SMPD3: variants seen among roughly 807,000 people sequenced by gnomAD.
SMPD3 encodes sphingomyelin phosphodiesterase 3.
SMPD3 carries 21 observed loss-of-function variants against 55.7 expected under a neutral mutation model. That is an observed-to-expected ratio of 0.38 (90% CI 0.27 to 0.54). The LOEUF is 0.54. Ranked by LOEUF, SMPD3 falls within the 20% of genes least tolerant of loss-of-function variation. The probability of loss-of-function intolerance (pLI) is 0.80; values close to 1 mark genes in which losing one functional copy is unlikely to be tolerated. For synonymous variants in SMPD3, 457 were observed against 404.3 expected (o/e 1.13, Z -1.56); for missense variants, 842 against 899.6 (o/e 0.94, Z 0.82).
chr16:68,430,943 G>C (rs1330747033), intron 1 of SMPD3, among the ~76,000 whole-genome samples: 1 of 152,138 alleles, frequency 6.6e-6, no homozygotes, highest in Non-Finnish European at 1.5e-5. Flanking sequence ...TGTGCACATT[G>C]TTGCTGGAAG....
chr16:68,412,502 T>C (rs1276679320), intron 1 of SMPD3, among the ~76,000 whole-genome samples: 1 of 151,948 alleles, frequency 6.6e-6, no homozygotes, highest in East Asian at 1.9e-4. Flanking sequence ...AGAGTCAAAA[T>C]GGTGGCCACA....
chr16:68,363,559 C>T lies in SMPD3; in HGVS notation c.1646G>A (p.Gly549Asp). ...CAGGCCGTTCGTGTCCAGCAGAGTACCTGGGGGGGACGAGGGGGTGACAGT... is the reference window on the plus strand; with the variant it reads ...CAGGCCGTTCGTGTCCAGCAGAGTATCTGGGGGGGACGAGGGGGTGACAGT... Reference protein sequence around the residue: ...GPGEEKPWAIGTLLDTNGLYD... With the variant: ...GPGEEKPWAIDTLLDTNGLYD... Residue 549 changes from glycine to aspartate, a missense_variant and splice_region_variant, in exon 7 of 9, where the codon GGT becomes GAT. By Grantham distance (94) the Gly-to-Asp change is moderately conservative. Coordinates refer to ENST00000219334, the MANE Select transcript of SMPD3 (RefSeq NM_018667.4). The T allele has an allele frequency of 1.2e-6, 2 of 1,613,254 alleles. No individual in the cohort carries two copies. Among genetic ancestry groups the T allele is most frequent in the Non-Finnish European group, 1.7e-6 (2 of 1,179,676 alleles).
rs1189097588 is a variant in SMPD3, at chr16:68,371,116, T to C, written c.1066A>G (p.Asn356Asp). ...TCCTGCAGGCACAGGAAGTCCAGGT[T>C]GGCGGGGAAGAAGGCGGAGACCTCA... ...DHEVSAFFPANLDFLCLQEVF... is the reference protein window; with the variant it reads ...DHEVSAFFPADLDFLCLQEVF... Residue 356 changes from asparagine (N) to aspartate (D), a missense_variant, in exon 3 of 9, where the codon AAC (asparagine) becomes GAC (aspartate). Transcript: ENST00000219334. 1 of 1,614,084 alleles carries C rather than the reference T, an allele frequency of 6.2e-7. No homozygotes were observed. The highest frequency in any genetic ancestry group is 2.2e-5 in the East Asian group (1 of 44,874).
At chr16:68,409,835 G>A (rs1369546849) in intron 1 of SMPD3, among the ~76,000 whole-genome samples, 2 of 152,188 alleles carry the variant, frequency 1.3e-5, no homozygotes, top group Non-Finnish European at 2.9e-5. Flanking sequence ...CTCGTGATCT[G>A]CCCGCCTCAG....
intron 2 of SMPD3, among the ~76,000 whole-genome samples, chr16:68,380,970 C>T (rs1200062128): frequency 4.6e-5 from 7 of 152,224 alleles, no homozygotes; most frequent in East Asian, 3.8e-4. Flanking sequence ...ACAGAACAGA[C>T]GGGCTAACAT....
chr16:68,415,852 G>T (rs2090334920), intron 1 of SMPD3, among the ~76,000 whole-genome samples: 1 of 150,040 alleles, frequency 6.7e-6, no homozygotes. Flanking sequence ...TAGACCCTTA[G>T]GTATTTAATG....
chr16:68,411,098 T>C (rs1227527806), intron 1 of SMPD3, among the ~76,000 whole-genome samples: 1 of 152,250 alleles, frequency 6.6e-6, no homozygotes, highest in Non-Finnish European at 1.5e-5. Flanking sequence ...CACTCCTCTA[T>C]GACCAGAATG....
At chr16:68,405,545 CAAAAAAAAAAA>C (rs67518521) in intron 1 of SMPD3, among the ~76,000 whole-genome samples, 3 of 72,990 alleles carry the variant, frequency 4.1e-5, no homozygotes, top group Non-Finnish European at 8.0e-5. Context: ...GACCCTGTCT[CAAAAAAAAAAA>C]AAAAAAAAAA....
intron 1 of SMPD3, among the ~76,000 whole-genome samples, chr16:68,423,727 G>A (rs2090414433): frequency 6.6e-6 from 1 of 152,152 alleles, no homozygotes. Flanking sequence ...GCTTAGCCAA[G>A]GAGCTTAGGA....
In SMPD3 at chr16:68,371,663, G is replaced by T. The variant is rs773171822; in HGVS notation, c.519C>A (p.Ser173=). The change falls in exon 3 of 9, where the codon TCC becomes TCA. Residue 173 remains serine (S), a synonymous_variant. Coordinates refer to ENST00000219334, the MANE Select transcript of SMPD3 (RefSeq NM_018667.4). ...ARPQIKIYID[S]PTNTSISAAS... is the part of the protein sequence containing the mutation. ...CGGCGCTGATGGAGGTATTGGTGGG[G>T]GAGTCGATGTAAATTTTGATCTGGG... 3 of 1,567,282 alleles carry T rather than the reference G, an allele frequency of 1.9e-6. No individual in the cohort carries two copies. The highest frequency in any genetic ancestry group is 3.7e-5 in the Admixed American group (2 of 53,518).
At chr16:68,409,169 T>C (rs1485512357) in intron 1 of SMPD3, among the ~76,000 whole-genome samples, 4 of 152,272 alleles carry the variant, frequency 2.6e-5, no homozygotes, top group Non-Finnish European at 5.9e-5. Context: ...ACTCAGTTAC[T>C]CCGAGCTCAT....
At position 68,426,319 on chromosome 16, in the gene SMPD3, C is replaced by T. The variant is rs535424569; in HGVS notation, c.-269+22034G>A. 1.4e-4 allele frequency among the ~76,000 whole-genome samples: 21 copies of T among 152,300 alleles called. No homozygotes were observed. In the South Asian group the frequency reaches 3.7e-3, roughly 27 times the overall value. On this transcript the variant is annotated intron_variant, in intron 1 of 8. Coordinates refer to ENST00000219334, the MANE Select transcript of SMPD3 (RefSeq NM_018667.4). ...AATAACCTTATTTGATCTTTGACAACCCCATTTATTATGTCATTATGGGGA... is the reference window on the plus strand; with the variant it reads ...AATAACCTTATTTGATCTTTGACAATCCCATTTATTATGTCATTATGGGGA...
intron 1 of SMPD3, among the ~76,000 whole-genome samples, chr16:68,393,274 G>A (rs990146433): frequency 6.6e-6 from 1 of 152,142 alleles, no homozygotes; most frequent in African/African-American, 2.4e-5. Flanking sequence ...GTGTGGTGGT[G>A]TGAGTCTGTA....
At chr16:68,374,898 C>T (rs1024173389) in intron 2 of SMPD3, among the ~76,000 whole-genome samples, 6 of 152,180 alleles carry the variant, frequency 3.9e-5, no homozygotes, top group South Asian at 4.1e-4. Context: ...ACAATGGGGG[C>T]GGGATGGGGG....
At chr16:68,383,431 GA>G (rs1028455831) in intron 2 of SMPD3, among the ~76,000 whole-genome samples, 3 of 152,214 alleles carry the variant, frequency 2.0e-5, no homozygotes, top group African/African-American at 7.2e-5. Flanking sequence ...GCACCTCTGA[GA>G]AAACAGTCCA....
In SMPD3 at chr16:68,385,315, G is replaced by A. The variant is rs547672563; in HGVS notation, c.-207+1283C>T. ...CAAACATATCCAGAAATATGTAAAT[G>A]AGCAGCATCCAGCACCACCCTTACT... On this transcript the variant is annotated intron_variant, in intron 2 of 8. Transcript: ENST00000219334. Among the ~76,000 whole-genome samples, 6 of 152,324 alleles carry A rather than the reference G, an allele frequency of 3.9e-5. No homozygotes were observed. The East Asian group carries it at 1.2e-3, about 29-fold the overall frequency.
chr16:68,437,390 C>A (rs1227758776), intron 1 of SMPD3, among the ~76,000 whole-genome samples: 1 of 152,238 alleles, frequency 6.6e-6, no homozygotes, highest in Non-Finnish European at 1.5e-5. Context: ...TGCTGACACA[C>A]ATTGTTACTG....
intron 1 of SMPD3, among the ~76,000 whole-genome samples, chr16:68,400,666 C>A (rs1216368632): frequency 6.6e-6 from 1 of 152,202 alleles, no homozygotes; most frequent in Non-Finnish European, 1.5e-5. Flanking sequence ...CAGATGGGGG[C>A]ATGTTTCAGA....
rs2090621016 is a variant in SMPD3 at position 68,447,662 on chromosome 16, C to G, written c.-269+691G>C. Among the ~76,000 whole-genome samples the G allele has an allele frequency of 2.0e-5, 3 of 152,120 alleles. No homozygotes were observed. In the South Asian group the frequency reaches 6.2e-4, roughly 31 times the overall value. On this transcript the variant is annotated intron_variant, in intron 1 of 8. Transcript: ENST00000219334. This position sits in a 1 kb window ranked among gnomAD's most constrained non-coding sequence, Gnocchi z 5.1. ...CTCCGAGAAGGATGGGGAGGGGTCT[C>G]CCAGCGTTTCCCTGCCACATTCCAA... is the stretch of plus-strand genomic sequence containing the variant.
Sources: allele counts gnomAD v4.1 joint callset (sites outside exome capture counted in the v4.1 genomes callset), GRCh38; gene constraint gnomAD v4.1.1; non-coding constraint Gnocchi (gnomAD v3.1); transcripts MANE v1.5; gene names NCBI Gene and HGNC (gene_info 2026-07-23, HGNC 2026-07-21).